Variants in CHODL observed in about 807,000 individuals in gnomAD.
The protein encoded by CHODL is chondrolectin.
Under a neutral mutation model 34.5 loss-of-function variants are expected in CHODL, and 29 were observed. The observed-to-expected ratio is 0.84, with a 90% CI of 0.63 to 1.15. The LOEUF is 1.15. Ranked by LOEUF, CHODL falls within the 50% of genes most tolerant of loss-of-function variation. CHODL has a pLI of 0.00. For missense variants in CHODL, 332 were observed against 332.5 expected (o/e 1.00, Z 0.01); for synonymous variants, 125 against 116.1 (o/e 1.08, Z -0.49).
At chr21:18,141,001 C>CATG (rs200517565) in intron 2 of CHODL, among the ~76,000 whole-genome samples, 88 of 151,996 alleles carry the variant, frequency 5.8e-4, no homozygotes, top group African/African-American at 2.1e-3. Context: ...ATTTAGATAT[C>CATG]AATAAGTAGA....
chr21:18,251,622 T>A (rs9974940), intron 1 of CHODL, among the ~76,000 whole-genome samples: 7 of 89,056 alleles, frequency 7.9e-5, no homozygotes, highest in Admixed American at 1.1e-4. Flanking sequence ...ATATAAAATA[T>A]TTATTTTATT....
intron 2 of CHODL, among the ~76,000 whole-genome samples, chr21:18,038,697 A>C (rs1430907329): frequency 6.6e-6 from 1 of 151,682 alleles, no homozygotes; most frequent in East Asian, 1.9e-4. Flanking sequence ...AAAATTACTA[A>C]ACACATACTT....
chr21:17,940,083 C>T (rs1354603146), intron 1 of CHODL, among the ~76,000 whole-genome samples: 1 of 152,150 alleles, frequency 6.6e-6, no homozygotes, highest in Non-Finnish European at 1.5e-5. Flanking sequence ...AAACAAGGAG[C>T]CCTGTGTTTT....
intron 1 of CHODL, among the ~76,000 whole-genome samples, chr21:17,945,926 C>A (rs2063403677): frequency 6.6e-6 from 1 of 151,710 alleles, no homozygotes; most frequent in South Asian, 2.1e-4. Flanking sequence ...CTCTACAAGC[C>A]TGGAGAGAGT....
chr21:18,053,729 T>C (rs1214150261), intron 2 of CHODL, among the ~76,000 whole-genome samples: 1 of 151,890 alleles, frequency 6.6e-6, no homozygotes, highest in African/African-American at 2.4e-5. Flanking sequence ...GAGTTGGTAA[T>C]AAATTGTACA....
Position 18,264,404 on chromosome 21 carries a change from C to A in CHODL, c.737+1511C>A, listed in dbSNP as rs544962290. On this transcript the variant is annotated intron_variant, in intron 5 of 5. Transcript: ENST00000299295. Reference sequence around the variant, plus strand: ...ATCATCTGAGGTCGGGAGTTTGATACCACCCTGACTAACATGGCAAAACCC... The same window carrying A: ...ATCATCTGAGGTCGGGAGTTTGATAACACCCTGACTAACATGGCAAAACCC... 4.6e-5 allele frequency among the ~76,000 whole-genome samples: 7 copies of A among 152,008 alleles called. No homozygotes were observed. The South Asian group carries it at 1.2e-3, about 27-fold the overall frequency.
intron 1 of CHODL, among the ~76,000 whole-genome samples, chr21:17,939,282 T>C (rs2063344818): frequency 2.0e-5 from 3 of 152,222 alleles, no homozygotes; most frequent in Admixed American, 2.0e-4. Flanking sequence ...TCTCTGATGA[T>C]ATGGATTTGA....
intron 2 of CHODL, among the ~76,000 whole-genome samples, chr21:18,109,224 G>C (rs1440808230): frequency 6.6e-6 from 1 of 151,636 alleles, no homozygotes; most frequent in East Asian, 1.9e-4. Flanking sequence ...TTAATATTTG[G>C]GAATTGCCCA....
intron 1 of CHODL, among the ~76,000 whole-genome samples, chr21:17,950,391 GA>G (rs1180729153): frequency 3.3e-5 from 5 of 150,624 alleles, no homozygotes; most frequent in African/African-American, 1.2e-4. Context: ...GAGAGAGAGA[GA>G]AAAAAAATAG....
intron 4 of CHODL, among the ~76,000 whole-genome samples, chr21:18,261,485 G>A (rs2074382374): frequency 6.6e-6 from 1 of 151,862 alleles, no homozygotes; most frequent in Admixed American, 6.6e-5. Context: ...GGCCAACATG[G>A]CAAAACCCTG....
At chr21:18,131,129 C>A (rs2146594588) in intron 2 of CHODL, among the ~76,000 whole-genome samples, 1 of 151,186 alleles carries the variant, frequency 6.6e-6, no homozygotes, top group South Asian at 2.1e-4. Context: ...AAAGAGAGAG[C>A]AGAGAGAGAG....
At chr21:17,934,463 T>G (rs1258614448) in intron 1 of CHODL, among the ~76,000 whole-genome samples, 2 of 151,952 alleles carry the variant, frequency 1.3e-5, no homozygotes, top group East Asian at 3.9e-4. Context: ...TAGTATAGAG[T>G]GTTTTCATAA....
Position 18,089,736 on chromosome 21 carries a change from T to C in CHODL, c.-45+61765T>C. Among the ~76,000 whole-genome samples the C allele has an allele frequency of 1.3e-5, 2 of 151,766 alleles. 1 individual carries two copies. Among genetic ancestry groups the C allele is most frequent in the Non-Finnish European group, 2.9e-5 (2 of 68,006 alleles). ...CACCATTAAAATGACAATAAAGAAA[T>C]AAAAAGCTTTTAAACTTACAACAAA... On this transcript the variant is annotated intron_variant, in intron 2 of 6. Coordinates refer to the CHODL transcript ENST00000400127.
At chr21:17,965,535 C>T (rs112717711) in intron 1 of CHODL, among the ~76,000 whole-genome samples, 21 of 152,026 alleles carry the variant, frequency 1.4e-4, no homozygotes, top group African/African-American at 5.1e-4. Context: ...CCACCTCTGC[C>T]ACTCCCTGCT....
intron 1 of CHODL, among the ~76,000 whole-genome samples, chr21:18,249,631 C>T (rs1244003191): frequency 6.6e-6 from 1 of 152,050 alleles, no homozygotes; most frequent in African/African-American, 2.4e-5. Flanking sequence ...CCCTTTTGTT[C>T]ATGAAATATT....
At chr21:18,232,642 T>C (rs1344789100) in intron 2 of CHODL, among the ~76,000 whole-genome samples, 1 of 152,006 alleles carries the variant, frequency 6.6e-6, no homozygotes, top group African/African-American at 2.4e-5. Flanking sequence ...GATAGCAGTA[T>C]TAAATTTTTA....
chr21:17,930,126 G>A (rs2063260322), intron 1 of CHODL, among the ~76,000 whole-genome samples: 1 of 151,836 alleles, frequency 6.6e-6, no homozygotes, highest in South Asian at 2.1e-4. Flanking sequence ...GGAGTGGGAA[G>A]ACAGGACACC....
At chr21:17,962,284 T>C (rs2063537791) in intron 1 of CHODL, among the ~76,000 whole-genome samples, 1 of 152,240 alleles carries the variant, frequency 6.6e-6, no homozygotes. Context: ...AAATAGCTTA[T>C]TTTTAACCTT....
chr21:18,074,911 G>A (rs2064846989), intron 2 of CHODL, among the ~76,000 whole-genome samples: 1 of 152,096 alleles, frequency 6.6e-6, no homozygotes, highest in East Asian at 1.9e-4. Context: ...AATGACTAAG[G>A]ACCAGATGTA....
Sources: gnomAD v4.1 joint callset for allele counts (sites outside exome capture counted in the v4.1 genomes callset) on GRCh38, gnomAD v4.1.1 for gene constraint, MANE v1.5 for transcripts, NCBI Gene and HGNC (gene_info 2026-07-23, HGNC 2026-07-21) for gene names.